KCNMA1: variants seen among roughly 807,000 people sequenced by gnomAD.
KCNMA1 encodes Calcium-activated potassium channel subunit alpha-1.
Under a neutral mutation model 140.0 loss-of-function variants are expected in KCNMA1, and 29 were observed. That is an observed-to-expected ratio of 0.21 (90% confidence interval 0.15 to 0.28). The LOEUF (loss-of-function observed/expected upper bound fraction) is 0.28. Among genes scored for constraint, KCNMA1 ranks in the 10% least tolerant of loss-of-function variants. The pLI is 1.00. For synonymous variants in KCNMA1, 612 were observed against 611.9 expected (o/e 1.00, Z 0.00); for missense variants, 880 against 1,602.2 (o/e 0.55, Z 7.70).
intron 2 of KCNMA1, among the ~76,000 whole-genome samples, chr10:77,304,046 A>G (rs1026033554): frequency 6.6e-6 from 1 of 152,220 alleles, no homozygotes; most frequent in African/African-American, 2.4e-5. Flanking sequence ...TGGATACTGC[A>G]GGCCAACACG....
intron 16 of KCNMA1, among the ~76,000 whole-genome samples, chr10:77,026,907 T>C (rs1239118774): frequency 6.6e-6 from 1 of 152,210 alleles, no homozygotes; most frequent in African/African-American, 2.4e-5. Flanking sequence ...AGTCTTCCCC[T>C]GTACTCTGCT....
At chr10:77,281,899 G>A (rs777268226) in intron 2 of KCNMA1, among the ~76,000 whole-genome samples, 39 of 152,286 alleles carry the variant, frequency 2.6e-4, no homozygotes, top group Admixed American at 4.6e-4. Flanking sequence ...CTACAGCTGC[G>A]GTGGTTGGGG....
intron 12 of KCNMA1, chr10:77,079,848 G>T (rs980037806): frequency 5.3e-5 from 24 of 452,536 alleles, no homozygotes; most frequent in African/African-American, 4.4e-4. Context: ...ACTATTACTA[G>T]ATCATAGGGG....
At chr10:77,494,539 TG>T (rs2041170973) in intron 1 of KCNMA1, among the ~76,000 whole-genome samples, 2 of 152,228 alleles carry the variant, frequency 1.3e-5, no homozygotes, top group Non-Finnish European at 2.9e-5. Context: ...CAGAGCTGTC[TG>T]GATTCTTTGC....
At chr10:76,960,404 T>C (rs1455214354) in intron 20 of KCNMA1, among the ~76,000 whole-genome samples, 3 of 152,124 alleles carry the variant, frequency 2.0e-5, no homozygotes, top group Middle Eastern at 3.4e-3. Flanking sequence ...GCCAGGCAGA[T>C]GGTGCACGCC....
rs117566835 is a variant in KCNMA1 at position 77,294,204 on chromosome 10, T to C, written c.541-42948A>G. On this transcript the variant is annotated intron_variant, in intron 2 of 27. Coordinates refer to ENST00000286628, the MANE Select transcript of KCNMA1 (RefSeq NM_001161352.2). ...GATGTTTAATGAATAGCCTTTCTAGTGAACATGTTTGTCCTGGCTTCAACT... is the reference window on the plus strand; with the variant it reads ...GATGTTTAATGAATAGCCTTTCTAGCGAACATGTTTGTCCTGGCTTCAACT... 4.6e-3 allele frequency among the ~76,000 whole-genome samples: 702 copies of C among 152,358 alleles called. 2 individuals are homozygous for C. Among genetic ancestry groups the C allele is most frequent in the Non-Finnish European group, 6.0e-3 (406 of 68,042 alleles).
At chr10:77,191,957 C>T (rs2098941909) in intron 3 of KCNMA1, among the ~76,000 whole-genome samples, 1 of 152,000 alleles carries the variant, frequency 6.6e-6, no homozygotes, top group Admixed American at 6.6e-5. Context: ...GATCCAATAG[C>T]CACAAATATA....
rs542144254 is a variant in KCNMA1 at position 77,510,869 on chromosome 10, G to A, written c.379-106846C>T. 4.6e-4 allele frequency among the ~76,000 whole-genome samples: 70 copies of A among 152,164 alleles called. 1 individual carries two copies. Among genetic ancestry groups the A allele is most frequent in the South Asian group, 2.1e-4 (1 of 4,824 alleles). On this transcript the variant is annotated intron_variant, in intron 1 of 27. Transcript: ENST00000286628. ...CCACTGAACACCTTTTTGGCATAAC[G>A]CCAATTAACAACACATGGAGATGAC... is the stretch of plus-strand genomic sequence containing the variant.
rs1195649722 is a variant in KCNMA1, at chr10:76,931,574, G to T, written c.2902+13199C>A. On this transcript the variant is annotated intron_variant, in intron 23 of 27. Coordinates refer to ENST00000286628, the MANE Select transcript of KCNMA1 (RefSeq NM_001161352.2). ...CCAAGTGCCATCTGTTGACTAGGTGGAGTAGCATGGGTCCTGCTCTGGAAG... is the reference window on the plus strand; with the variant it reads ...CCAAGTGCCATCTGTTGACTAGGTGTAGTAGCATGGGTCCTGCTCTGGAAG... 2.6e-5 allele frequency among the ~76,000 whole-genome samples: 4 copies of T among 151,952 alleles called. No individual in the cohort carries two copies. The East Asian group carries it at 5.8e-4, about 22-fold the overall frequency.
chr10:77,614,804 C>T (rs1247408491), intron 1 of KCNMA1, among the ~76,000 whole-genome samples: 1 of 152,202 alleles, frequency 6.6e-6, no homozygotes, highest in African/African-American at 2.4e-5. Context: ...CCAGCCCCAG[C>T]TCAGCTTGGG....
At chr10:77,109,245 C>T (rs922092724) in intron 8 of KCNMA1, among the ~76,000 whole-genome samples, 5 of 152,072 alleles carry the variant, frequency 3.3e-5, no homozygotes, top group African/African-American at 1.2e-4. Flanking sequence ...CGTGAATGTA[C>T]ACATGCATGT....
At chr10:77,033,207 A>T (rs1305140098) in intron 15 of KCNMA1, among the ~76,000 whole-genome samples, 1 of 152,196 alleles carries the variant, frequency 6.6e-6, no homozygotes, top group Non-Finnish European at 1.5e-5. Flanking sequence ...AAAGATTCAC[A>T]TTCAGGAGCT....
intron 14 of KCNMA1, among the ~76,000 whole-genome samples, chr10:77,039,883 C>CTTTTTTTTTTTTTTTTT (rs34943268): frequency 1.1e-4 from 9 of 78,954 alleles, no homozygotes; most frequent in African/African-American, 1.6e-4. Flanking sequence ...TTTTCTTTTT[C>CTTTTTTTTTTTTTTTTT]TTTTTTTTTT....
intron 2 of KCNMA1, among the ~76,000 whole-genome samples, chr10:77,341,357 A>T (rs1249972590): frequency 1.3e-5 from 2 of 151,780 alleles, no homozygotes; most frequent in Non-Finnish European, 2.9e-5. Flanking sequence ...TTTCCCAATT[A>T]TTTCTCAGTG....
intron 2 of KCNMA1, among the ~76,000 whole-genome samples, chr10:77,361,840 TA>T (rs1236016721): frequency 6.6e-6 from 1 of 152,132 alleles, no homozygotes; most frequent in East Asian, 1.9e-4. Context: ...ATATGTGCCT[TA>T]AAAAGCGGGA....
intron 2 of KCNMA1, among the ~76,000 whole-genome samples, chr10:77,335,294 T>G (rs1199712528): frequency 1.3e-5 from 2 of 152,198 alleles, no homozygotes; most frequent in Non-Finnish European, 2.9e-5. Flanking sequence ...CTTCTTCTCT[T>G]TCTCCTAGGC....
chr10:77,371,797 T>C (rs1440120836), intron 2 of KCNMA1, among the ~76,000 whole-genome samples: 1 of 152,218 alleles, frequency 6.6e-6, no homozygotes, highest in Non-Finnish European at 1.5e-5. Flanking sequence ...CTGGGAACCC[T>C]GGAAAATCTC....
At chr10:77,327,935 T>C (rs980152756) in intron 2 of KCNMA1, among the ~76,000 whole-genome samples, 2 of 152,152 alleles carry the variant, frequency 1.3e-5, no homozygotes, top group South Asian at 4.1e-4. Context: ...GCTTTGAGTA[T>C]AATAATATTC....
intron 16 of KCNMA1, 44 bp from the exon 17 acceptor site, chr10:77,019,143 G>T: frequency 2.8e-6 from 3 of 1,059,910 alleles, no homozygotes; most frequent in Non-Finnish European, 1.5e-6. Context: ...CATTTGTGAG[G>T]TCATGTTCTG....
Sources: allele counts gnomAD v4.1 joint callset (sites outside exome capture counted in the v4.1 genomes callset), GRCh38; gene constraint gnomAD v4.1.1; transcripts MANE v1.5; gene names NCBI Gene and HGNC (gene_info 2026-07-23, HGNC 2026-07-21).